Variants in BACH2 observed in about 807,000 individuals in gnomAD.
BACH2 encodes the protein transcription regulator protein BACH2.
A neutral mutation model predicts 61.8 loss-of-function variants in BACH2; 5 were observed. The observed-to-expected ratio is 0.08, with a 90% CI of 0.04 to 0.17. BACH2 has a LOEUF of 0.17. Ranked by LOEUF, BACH2 falls within the 10% of genes least tolerant of loss-of-function variation. The pLI is 1.00. For synonymous variants in BACH2, 446 were observed against 440.1 expected (o/e 1.01, Z -0.17); for missense variants, 824 against 1,091.1 (o/e 0.76, Z 3.45).
chr6:90,009,517 TG>T (rs2127780994), intron 5 of BACH2, among the ~76,000 whole-genome samples: 1 of 152,368 alleles, frequency 6.6e-6, no homozygotes, highest in East Asian at 1.9e-4. Flanking sequence ...TGTGGAATTG[TG>T]CTGTCGTTAT....
At chr6:89,964,813 T>C (rs1231545481) in intron 6 of BACH2, among the ~76,000 whole-genome samples, 1 of 152,188 alleles carries the variant, frequency 6.6e-6, no homozygotes, top group Non-Finnish European at 1.5e-5. Context: ...TGCTCCTCTC[T>C]CTTCTAATCT....
At chr6:90,127,945 T>C (rs922886610) in intron 4 of BACH2, among the ~76,000 whole-genome samples, 3 of 152,204 alleles carry the variant, frequency 2.0e-5, no homozygotes, top group African/African-American at 7.2e-5. Context: ...TATGTAAGTA[T>C]CTATTGAAAG....
At chr6:90,191,991 T>C (rs1768590754) in intron 4 of BACH2, among the ~76,000 whole-genome samples, 1 of 152,232 alleles carries the variant, frequency 6.6e-6, no homozygotes, top group Non-Finnish European at 1.5e-5. Context: ...ATGACTAGCT[T>C]TGCTACAGTA....
intron 3 of BACH2, among the ~76,000 whole-genome samples, chr6:90,228,748 GT>G (rs774271554): frequency 2.2e-4 from 33 of 152,242 alleles, no homozygotes; most frequent in Non-Finnish European, 4.0e-4. Context: ...AGAAAAAACA[GT>G]TTTAAAAGGT....
intron 4 of BACH2, among the ~76,000 whole-genome samples, chr6:90,092,981 G>A (rs1009741759): frequency 3.9e-5 from 6 of 152,108 alleles, no homozygotes; most frequent in Non-Finnish European, 8.8e-5. Context: ...CAGTGCTGGC[G>A]CAGAGTCCTT....
intron 3 of BACH2, among the ~76,000 whole-genome samples, chr6:90,227,051 C>T (rs1002534483): frequency 4.8e-4 from 73 of 152,284 alleles, no homozygotes; most frequent in African/African-American, 1.7e-3. Context: ...TTGAATCTAT[C>T]TGAAGATGAA....
rs1283178064 is a variant in BACH2 at position 89,968,880 on chromosome 6, G to A, written c.244-17018C>T. Among the ~76,000 whole-genome samples the A allele has an allele frequency of 5.3e-5, 8 of 152,110 alleles. No homozygotes were observed. The East Asian group carries it at 7.8e-4, about 15-fold the overall frequency. On this transcript the variant is annotated intron_variant, in intron 6 of 8. Coordinates refer to ENST00000257749, the MANE Select transcript of BACH2 (RefSeq NM_021813.4). ...ACAAACATTAGCTGGGTGTGGTGGCGTATGCCTGTAGTCCCAGCTACTTGG... is the reference window on the plus strand; with the variant it reads ...ACAAACATTAGCTGGGTGTGGTGGCATATGCCTGTAGTCCCAGCTACTTGG...
chr6:90,169,238 C>T (rs1767731268), intron 4 of BACH2, among the ~76,000 whole-genome samples: 1 of 151,790 alleles, frequency 6.6e-6, no homozygotes, highest in South Asian at 2.1e-4. Context: ...TTAGAAAAAC[C>T]ACTAAAGTGA....
At chr6:90,020,657 G>A (rs1353318825) in intron 5 of BACH2, among the ~76,000 whole-genome samples, 2 of 150,020 alleles carry the variant, frequency 1.3e-5, no homozygotes, top group Non-Finnish European at 3.0e-5. Context: ...TAAGACAGGT[G>A]CTCTTCTATG....
intron 3 of BACH2, among the ~76,000 whole-genome samples, chr6:90,210,885 AG>A (rs1240825429): frequency 6.6e-6 from 1 of 152,042 alleles, no homozygotes; most frequent in East Asian, 1.9e-4. Flanking sequence ...GTAAGAAGAA[AG>A]GTGGTCCAGA....
chr6:90,271,599 C>T (rs1481332736), intron 2 of BACH2, among the ~76,000 whole-genome samples: 7 of 152,076 alleles, frequency 4.6e-5, no homozygotes, highest in Non-Finnish European at 8.8e-5. Context: ...ACAGACAATT[C>T]TCAAAAGAAG....
chr6:90,246,019 T>G (rs1203614287), intron 3 of BACH2, among the ~76,000 whole-genome samples: 1 of 152,160 alleles, frequency 6.6e-6, no homozygotes, highest in Admixed American at 6.5e-5. Flanking sequence ...GAGTGGGACG[T>G]GGCAGAAGTT....
In BACH2 at chr6:90,108,991, T is replaced by A. The variant is rs187992835; in HGVS notation, c.-161-19882A>T. 2.0e-3 allele frequency among the ~76,000 whole-genome samples: 309 copies of A among 152,238 alleles called. 3 individuals are homozygous for A. In the South Asian group the frequency reaches 0.029, roughly 15 times the overall value. Reference sequence around the variant, plus strand: ...CTTCACTGTCCCTGGGACATCAATTTCTCTCTCCTGGACCATTTCCACTGG... The same window carrying A: ...CTTCACTGTCCCTGGGACATCAATTACTCTCTCCTGGACCATTTCCACTGG... On this transcript the variant is annotated intron_variant, in intron 4 of 8. Coordinates refer to ENST00000257749, the MANE Select transcript of BACH2 (RefSeq NM_021813.4).
chr6:90,150,360 T>C (rs1049050834), intron 4 of BACH2, among the ~76,000 whole-genome samples: 1 of 152,144 alleles, frequency 6.6e-6, no homozygotes, highest in Non-Finnish European at 1.5e-5. Context: ...AGCCTCAGAG[T>C]CTACTGAGTT....
chr6:90,047,270 G>A (rs1321416189), intron 5 of BACH2, among the ~76,000 whole-genome samples: 2 of 152,210 alleles, frequency 1.3e-5, no homozygotes, highest in Non-Finnish European at 2.9e-5. Flanking sequence ...CTTTCAGGAA[G>A]TTATCAGGGA....
intron 1 of BACH2, among the ~76,000 whole-genome samples, chr6:90,288,167 C>T (rs1772076961): frequency 6.6e-6 from 1 of 151,842 alleles, no homozygotes; most frequent in Non-Finnish European, 1.5e-5. Flanking sequence ...CAGTTTGACT[C>T]TTCAGGGCTT....
chr6:90,172,588 G>A (rs1005185943), intron 4 of BACH2, among the ~76,000 whole-genome samples: 1 of 151,886 alleles, frequency 6.6e-6, no homozygotes, highest in Non-Finnish European at 1.5e-5. Context: ...GAAATCTGGG[G>A]AAAATGTCTT....
intron 4 of BACH2, among the ~76,000 whole-genome samples, chr6:90,119,850 C>T (rs761077189): frequency 1.4e-4 from 21 of 152,044 alleles, no homozygotes; most frequent in Non-Finnish European, 2.2e-4. Context: ...AGCTCAAAAA[C>T]GCCAAATCTA....
chr6:89,964,743 GA>G (rs1774954555), intron 6 of BACH2, among the ~76,000 whole-genome samples: 1 of 152,074 alleles, frequency 6.6e-6, no homozygotes, highest in Non-Finnish European at 1.5e-5. Flanking sequence ...ATGGGAATAG[GA>G]ACATGGAACC....
Sources: allele counts gnomAD v4.1 joint callset (sites outside exome capture counted in the v4.1 genomes callset), GRCh38; gene constraint gnomAD v4.1.1; transcripts MANE v1.5; gene names NCBI Gene and HGNC (gene_info 2026-07-23, HGNC 2026-07-21).